KSR1: variants seen among roughly 807,000 people sequenced by gnomAD.
KSR1 encodes kinase suppressor of ras.
Under a neutral mutation model 92.9 loss-of-function variants are expected in KSR1, and 35 were observed. That is an observed-to-expected ratio of 0.38 (90% CI 0.29 to 0.50). KSR1 has a LOEUF of 0.50. Ranked by LOEUF, KSR1 falls within the 20% of genes least tolerant of loss-of-function variation. The probability of loss-of-function intolerance (pLI) is 0.94; values close to 1 mark genes in which losing one functional copy is unlikely to be tolerated. For missense variants in KSR1, 972 were observed against 1,158.5 expected, an observed-to-expected ratio of 0.84 and a Z score of 2.34; for synonymous variants, 467 against 472.6, an observed-to-expected ratio of 0.99 and a Z score of 0.15.
rs776031025 is a variant in KSR1 at position 27,617,438 on chromosome 17, T to C, written c.2627+10T>C. On this transcript the variant is annotated intron_variant, in intron 19 of 20. Coordinates refer to ENST00000644974, the MANE Select transcript of KSR1 (RefSeq NM_001394583.1). The stretch of plus-strand genomic sequence containing the variant: ...TCTGGAAGTCAGCTGAGTAAGTGCC[T>C]CTTCCATGAGCCAGACTGCCAGCCA... 3.9e-5 allele frequency: 63 copies of C among 1,598,160 alleles called. No homozygotes were observed. In the South Asian group the frequency reaches 6.7e-4, roughly 17 times the overall value.
At chr17:27,543,132 C>A (rs911386854) in intron 1 of KSR1, among the ~76,000 whole-genome samples, 3 of 152,226 alleles carry the variant, frequency 2.0e-5, no homozygotes, top group Admixed American at 1.3e-4. Flanking sequence ...TGGAAGCCGC[C>A]CGTGGGAGCT....
At chr17:27,579,910 A>AAAG in intron 3 of KSR1, 1 of 149,908 alleles carries the variant, frequency 6.7e-6, no homozygotes. Flanking sequence ...AAAAAAAAAA[A>AAAG]AGTGAGTGAA....
intron 19 of KSR1, among the ~76,000 whole-genome samples, chr17:27,620,126 T>G (rs1286360500): frequency 6.6e-6 from 1 of 152,194 alleles, no homozygotes; most frequent in Non-Finnish European, 1.5e-5. Context: ...TCAGGCCAGG[T>G]AGAGGGATGG....
chr17:27,614,774 G>C (rs1447076753), intron 18 of KSR1, among the ~76,000 whole-genome samples: 1 of 152,214 alleles, frequency 6.6e-6, no homozygotes, highest in East Asian at 1.9e-4. Flanking sequence ...GTGGGATCAG[G>C]GCGTGGGGAG....
At chr17:27,457,068 G>T (rs1229454380) in intron 1 of KSR1, among the ~76,000 whole-genome samples, 194 bp downstream of exon 1, 1 of 152,204 alleles carries the variant, frequency 6.6e-6, no homozygotes, top group Non-Finnish European at 1.5e-5. Context: ...GATTTGTGGG[G>T]CGGGTGCGTC....
At chr17:27,551,278 C>G (rs771538392) in intron 2 of KSR1, among the ~76,000 whole-genome samples, 1 of 152,168 alleles carries the variant, frequency 6.6e-6, no homozygotes, top group African/African-American at 2.4e-5. Flanking sequence ...ACCTGCCAGC[C>G]AGCCAACTAA....
At chr17:27,569,565 G>A (rs771179088) in intron 2 of KSR1, among the ~76,000 whole-genome samples, 13 of 152,250 alleles carry the variant, frequency 8.5e-5, no homozygotes, top group Non-Finnish European at 1.6e-4. Flanking sequence ...TTTTTGTAGA[G>A]CCTTGTGAAC....
chr17:27,519,290 G>T (rs1378581002), intron 1 of KSR1, among the ~76,000 whole-genome samples: 1 of 152,170 alleles, frequency 6.6e-6, no homozygotes, highest in East Asian at 1.9e-4. Context: ...CTCTCCAGTT[G>T]CAGGTCAGGG....
chr17:27,525,653 A>G (rs2070229082), intron 1 of KSR1, among the ~76,000 whole-genome samples: 1 of 152,114 alleles, frequency 6.6e-6, no homozygotes, highest in Admixed American at 6.5e-5. Flanking sequence ...CTGAGTTTGC[A>G]TTTTTTCCCA....
At chr17:27,608,065 G>A (rs758254080) in intron 15 of KSR1, 55 bp downstream of exon 15, 329 of 1,312,086 alleles carry the variant, frequency 2.5e-4, no homozygotes, top group East Asian at 1.2e-3. Context: ...CAGGGCTCTC[G>A]GCTGTTCCTC....
rs1178339507 is a variant in KSR1 at position 27,625,651 on chromosome 17, T to C, written c.*2259T>C. ...TCTGTTCCCCTTGTATTTCAGTGAC[T>C]GTGAATTGAGGTTAGGAAGGCACAC... On this transcript the variant is annotated 3_prime_UTR_variant, in exon 21 of 21. Transcript: ENST00000644974. 6.6e-6 allele frequency: 1 copy of C among 150,842 alleles called. No individual in the cohort carries two copies. The highest frequency in any genetic ancestry group is 2.4e-5 in the African/African-American group (1 of 40,878). The allele number at this position is 150,842 out of a possible 1,614,324, so 9.3% of individuals were successfully genotyped here.
intron 5 of KSR1, among the ~76,000 whole-genome samples, chr17:27,587,950 C>T (rs1009384757): frequency 1.8e-4 from 28 of 152,184 alleles, no homozygotes; most frequent in Non-Finnish European, 3.2e-4. Context: ...TCTATCTGCC[C>T]ATATCTGGCA....
At chr17:27,515,471 C>T (rs550448490) in intron 1 of KSR1, among the ~76,000 whole-genome samples, 80 of 152,268 alleles carry the variant, frequency 5.3e-4, no homozygotes, top group African/African-American at 1.8e-3. Context: ...GACACATTTT[C>T]TTCTAAACAA....
rs940798040 is a variant in KSR1, at chr17:27,601,414, C to T, written c.1510+13C>T. ...TTTATCTTTCCAGGTGAGTCCTTTG[C>T]ATGGTTCCATTAACTGCCCTTTGCT... On this transcript the variant is annotated intron_variant, in intron 11 of 20. Transcript: ENST00000644974. 1 of 1,611,204 alleles carries T rather than the reference C, an allele frequency of 6.2e-7. No homozygotes were observed. Among genetic ancestry groups the T allele is most frequent in the African/African-American group, 1.3e-5 (1 of 74,888 alleles).
intron 1 of KSR1, among the ~76,000 whole-genome samples, chr17:27,476,626 A>T (rs2068356530): frequency 6.6e-6 from 1 of 152,120 alleles, no homozygotes. Context: ...CCCATGGTTG[A>T]CTCAGAAGGA....
intron 2 of KSR1, among the ~76,000 whole-genome samples, chr17:27,557,220 G>A (rs2071633975): frequency 6.6e-6 from 1 of 152,184 alleles, no homozygotes; most frequent in Non-Finnish European, 1.5e-5. Context: ...CTGAAGTTTG[G>A]CCTGGAGAGA....
intron 4 of KSR1, chr17:27,583,903 A>G: frequency 1.3e-6 from 1 of 793,232 alleles, no homozygotes. Flanking sequence ...CACCATTTTT[A>G]TTCAGTCACA....
rs7208255 is a variant in KSR1 at position 27,459,400 on chromosome 17, A to G, written c.231+2526A>G. Among the ~76,000 whole-genome samples the G allele has an allele frequency of 4.0e-3, 610 of 152,256 alleles. 2 individuals carry two copies. Among genetic ancestry groups the G allele is most frequent in the African/African-American group, 0.014 (569 of 41,540 alleles). On this transcript the variant is annotated intron_variant, in intron 1 of 20. Transcript: ENST00000644974. This position sits in a 1 kb window ranked among gnomAD's most constrained non-coding sequence, Gnocchi z 4.6. ...TACTTTATGGGTTCAGTAAATCTGG[A>G]TTTTAGGGAAAGGTACTTCTGCAGC...
intron 1 of KSR1, among the ~76,000 whole-genome samples, chr17:27,463,691 A>T (rs1384822677): frequency 6.6e-6 from 1 of 152,004 alleles, no homozygotes; most frequent in Non-Finnish European, 1.5e-5. Flanking sequence ...TAGCGGAGGG[A>T]GGGGCTGGAT....
Sources: allele counts gnomAD v4.1 joint callset (sites outside exome capture counted in the v4.1 genomes callset), GRCh38; gene constraint gnomAD v4.1.1; non-coding constraint Gnocchi (gnomAD v3.1); transcripts MANE v1.5; gene names NCBI Gene and HGNC (gene_info 2026-07-23, HGNC 2026-07-21).